Variants in POU6F2 observed in about 807,000 individuals in gnomAD.
POU6F2 encodes the protein POU class 6 homeobox 2.
A neutral mutation model predicts 71.3 loss-of-function variants in POU6F2; 31 were observed. The observed-to-expected ratio is 0.43, with a 90% CI of 0.33 to 0.59. The LOEUF (loss-of-function observed/expected upper bound fraction) is 0.59, where lower values mean the gene tolerates loss of function less well. POU6F2 is among the 20% of genes least tolerant of loss of function. POU6F2 has a pLI of 0.04. For synonymous variants in POU6F2, 347 were observed against 355.7 expected, an observed-to-expected ratio of 0.98 and a Z score of 0.27; for missense variants, 783 against 856.8, an observed-to-expected ratio of 0.91 and a Z score of 1.07.
At position 39,458,503 on chromosome 7, in the gene POU6F2, T is replaced by C. The variant is rs139788734; in HGVS notation, c.1490-2044T>C. Among the ~76,000 whole-genome samples, 647 of 152,258 alleles carry C rather than the reference T, an allele frequency of 4.2e-3. 8 individuals carry two copies. Among genetic ancestry groups the C allele is most frequent in the African/African-American group, 0.015 (610 of 41,548 alleles). ...GGAAAAAAGGGCTCGAGACTGCGAC[T>C]GCCGAAGTGAGCTCCCACAATCCTT... is the stretch of plus-strand genomic sequence containing the variant. On this transcript the variant is annotated intron_variant, in intron 8 of 9. Coordinates refer to ENST00000518318, the MANE Select transcript of POU6F2 (RefSeq NM_001370959.1).
intron 5 of POU6F2, among the ~76,000 whole-genome samples, chr7:39,346,012 T>C (rs1181060232): frequency 2.0e-5 from 3 of 152,212 alleles, no homozygotes; most frequent in Non-Finnish European, 4.4e-5. Context: ...CCAACTGTAT[T>C]AAGTACTGAA....
intron 5 of POU6F2, among the ~76,000 whole-genome samples, chr7:39,391,177 C>G (rs1787069384): frequency 6.6e-6 from 1 of 152,058 alleles, no homozygotes; most frequent in South Asian, 2.1e-4. Flanking sequence ...TACTTGATGG[C>G]TTTTTTTCTT....
chr7:39,406,361 G>T, intron 5 of POU6F2: 1 of 527,966 alleles, frequency 1.9e-6, no homozygotes, highest in Non-Finnish European at 3.4e-6. Flanking sequence ...GTTCCCTCCT[G>T]GGCTAGCCCT....
intron 4 of POU6F2, among the ~76,000 whole-genome samples, chr7:39,257,087 G>A (rs1001794940): frequency 6.6e-6 from 1 of 152,144 alleles, no homozygotes; most frequent in Non-Finnish European, 1.5e-5. Flanking sequence ...CTCAATGGAA[G>A]GTTTGTTGCA....
intron 4 of POU6F2, among the ~76,000 whole-genome samples, chr7:39,326,485 A>G (rs1158777980): frequency 1.3e-5 from 2 of 152,214 alleles, no homozygotes; most frequent in African/African-American, 4.8e-5. Flanking sequence ...TGTTTCCATA[A>G]ACAGTCTATG....
At chr7:39,172,433 C>T (rs1793236122) in intron 2 of POU6F2, among the ~76,000 whole-genome samples, 1 of 152,008 alleles carries the variant, frequency 6.6e-6, no homozygotes, top group Non-Finnish European at 1.5e-5. Context: ...TATTGAATTA[C>T]CCTATAGAAC....
chr7:39,331,865 C>T (rs932548122), intron 4 of POU6F2, among the ~76,000 whole-genome samples: 1 of 152,166 alleles, frequency 6.6e-6, no homozygotes, highest in Non-Finnish European at 1.5e-5. Flanking sequence ...CATTTTATTG[C>T]ACAATTGGTT....
intron 2 of POU6F2, among the ~76,000 whole-genome samples, chr7:39,195,596 C>G (rs1397947300): frequency 6.6e-6 from 1 of 151,646 alleles, no homozygotes; most frequent in Non-Finnish European, 1.5e-5. Flanking sequence ...CAGTCCCCAT[C>G]TCCTCTTTAG....
chr7:39,397,814 G>GTATATATATATATATATATATATACA (rs150006644), intron 5 of POU6F2, among the ~76,000 whole-genome samples: 1 of 128,448 alleles, frequency 7.8e-6, no homozygotes, highest in Admixed American at 7.7e-5. Flanking sequence ...TATATTTTGT[G>GTATATATATATATATATATATATACA]TATATATATA....
chr7:39,087,200 T>A (rs1236325506), intron 2 of POU6F2, among the ~76,000 whole-genome samples: 3 of 149,392 alleles, frequency 2.0e-5, no homozygotes, highest in Admixed American at 6.7e-5. Flanking sequence ...TTATTTATTT[T>A]AACCGACAGA....
chr7:39,433,202 C>T lies in POU6F2; in HGVS notation c.1239C>T (p.Ile413=), dbSNP rs753420858. Residue 413 remains isoleucine, a synonymous_variant, in exon 7 of 10, where the codon ATC becomes ATT. Coordinates refer to ENST00000518318, the MANE Select transcript of POU6F2 (RefSeq NM_001370959.1). ...QLLTNAQGQI[I]ATVIGNQILP... is the part of the protein sequence containing the mutation. ...TCACAAACGCCCAGGGCCAGATCAT[C>T]GCCACAGTCATTGGGAACCAGATCC... The T allele has an allele frequency of 8.1e-6, 13 of 1,613,770 alleles. No individual in the cohort carries two copies. In the African/African-American group the frequency reaches 1.1e-4, roughly 13 times the overall value.
chr7:39,211,568 T>G (rs1794143665), intron 4 of POU6F2, among the ~76,000 whole-genome samples: 1 of 152,196 alleles, frequency 6.6e-6, no homozygotes, highest in South Asian at 2.1e-4. Context: ...TATTTTATCT[T>G]TCTCTCAGAT....
chr7:39,078,750 A>T (rs1275107314), intron 1 of POU6F2, among the ~76,000 whole-genome samples: 1 of 152,192 alleles, frequency 6.6e-6, no homozygotes, highest in African/African-American at 2.4e-5. Flanking sequence ...AGAGGAACAG[A>T]TATGACCTTG....
intron 1 of POU6F2, among the ~76,000 whole-genome samples, chr7:39,045,203 C>T (rs562713253): frequency 5.3e-5 from 8 of 152,062 alleles, no homozygotes; most frequent in South Asian, 2.1e-4. Flanking sequence ...ATTCGCATCC[C>T]GTACCTATAG....
intron 1 of POU6F2, among the ~76,000 whole-genome samples, chr7:39,060,124 C>T (rs1790624844): frequency 2.6e-5 from 4 of 151,982 alleles, no homozygotes; most frequent in South Asian, 4.1e-4. Context: ...AGGAGAATCG[C>T]TTGAACCCAG....
chr7:39,341,645 T>C (rs1259028217), intron 5 of POU6F2, among the ~76,000 whole-genome samples: 1 of 152,204 alleles, frequency 6.6e-6, no homozygotes, highest in Non-Finnish European at 1.5e-5. Context: ...ATAGGTAAAA[T>C]TACCAAAGAA....
intron 1 of POU6F2, among the ~76,000 whole-genome samples, chr7:39,068,793 A>G (rs535444459): frequency 1.3e-5 from 2 of 152,286 alleles, no homozygotes; most frequent in South Asian, 4.1e-4. Context: ...GGGAAACTTG[A>G]TAACTCTTCT....
intron 7 of POU6F2, among the ~76,000 whole-genome samples, chr7:39,435,922 C>G (rs531951115): frequency 6.6e-6 from 1 of 152,294 alleles, no homozygotes; most frequent in South Asian, 2.1e-4. Flanking sequence ...TGTCCAGGAT[C>G]AGATAGTTTT....
In POU6F2 at chr7:39,239,135, G is replaced by A. The variant is rs568097851; in HGVS notation, c.598+31515G>A. ...CTGCACTTGGGAGGTTGTATCTGAA[G>A]TGGAATAATATGAAAGACAGAGAGA... is the stretch of plus-strand genomic sequence containing the variant. On this transcript the variant is annotated intron_variant, in intron 4 of 9. Coordinates refer to ENST00000518318, the MANE Select transcript of POU6F2 (RefSeq NM_001370959.1). 2.0e-5 allele frequency among the ~76,000 whole-genome samples: 3 copies of A among 152,210 alleles called. No individual in the cohort carries two copies. In the East Asian group the frequency reaches 5.8e-4, roughly 30 times the overall value.
Sources: gnomAD v4.1 joint callset for allele counts (sites outside exome capture counted in the v4.1 genomes callset) on GRCh38, gnomAD v4.1.1 for gene constraint, MANE v1.5 for transcripts, NCBI Gene and HGNC (gene_info 2026-07-23, HGNC 2026-07-21) for gene names.